The following PTPRB variants were observed in gnomAD, a reference collection of about 807,000 sequenced individuals.
The protein encoded by PTPRB is receptor-type tyrosine-protein phosphatase beta.
PTPRB carries 97 observed loss-of-function variants against 238.1 expected under a neutral mutation model. That is an observed-to-expected ratio of 0.41 (90% CI 0.35 to 0.48). PTPRB has a LOEUF of 0.48. Ranked by LOEUF, PTPRB falls within the 20% of genes least tolerant of loss-of-function variation. The pLI, the probability that PTPRB is intolerant of heterozygous loss-of-function variation, is 0.30. For missense variants in PTPRB, 2,292 were observed against 2,681.9 expected, an observed-to-expected ratio of 0.85 and a Z score of 3.21; for synonymous variants, 970 against 995.4, an observed-to-expected ratio of 0.97 and a Z score of 0.48.
chr12:70,595,162 G>A (rs1882879995), intron 5 of PTPRB, among the ~76,000 whole-genome samples: 2 of 152,132 alleles, frequency 1.3e-5, no homozygotes, highest in African/African-American at 4.8e-5. Flanking sequence ...CATGGATGAA[G>A]CTGGAAACCA....
intron 4 of PTPRB, among the ~76,000 whole-genome samples, chr12:70,607,598 G>T: frequency 6.8e-6 from 1 of 146,896 alleles, no homozygotes. Context: ...CCAGGCTGGA[G>T]TGCAGTGGCA....
rs184912558 is a variant in PTPRB at position 70,628,174 on chromosome 12, C to T, written c.452-5528G>A. Among the ~76,000 whole-genome samples the T allele has an allele frequency of 1.8e-3, 277 of 152,098 alleles. 1 individual carries two copies. The highest frequency in any genetic ancestry group is 3.9e-3 in the South Asian group (19 of 4,816). On this transcript the variant is annotated intron_variant, in intron 2 of 33. Transcript: ENST00000334414. ...ATATTTGCCTGCTTTCCAGTGCAGC[C>T]CTTGGAATTAAAAAAGAAAATTCCT...
intron 3 of PTPRB, chr12:70,609,958 G>C: frequency 1.8e-6 from 1 of 561,710 alleles, no homozygotes; most frequent in Non-Finnish European, 2.6e-6. Flanking sequence ...CGACGCGCAG[G>C]GGCCACTGCG....
At chr12:70,570,159 T>A (rs1410164323) in intron 13 of PTPRB, among the ~76,000 whole-genome samples, 1 of 152,156 alleles carries the variant, frequency 6.6e-6, no homozygotes, top group East Asian at 1.9e-4. Flanking sequence ...AAATGAGGAA[T>A]GCTAATTATA....
chr12:70,635,970 T>A lies in PTPRB; in HGVS notation c.152A>T (p.Gln51Leu). 6.2e-7 allele frequency: 1 copy of A among 1,613,648 alleles called. No homozygotes were observed. Among genetic ancestry groups the A allele is most frequent in the South Asian group, 1.1e-5 (1 of 90,976 alleles). The change falls in exon 2 of 34, where the codon CAG (glutamine) becomes CTG (leucine). Residue 51 changes from glutamine to leucine, a missense_variant. Coordinates refer to ENST00000334414, the MANE Select transcript of PTPRB (RefSeq NM_001109754.4). ...CTTTTCATCCTCAGTCCACATCCACTGCTGGTTCTGGATGGTCCTGTTGCA... is the reference window on the plus strand; with the variant it reads ...CTTTTCATCCTCAGTCCACATCCACAGCTGGTTCTGGATGGTCCTGTTGCA... ...GSCNRTIQNQQWMWTEDEKLL... is the reference protein window; with the variant it reads ...GSCNRTIQNQLWMWTEDEKLL...
intron 3 of PTPRB, among the ~76,000 whole-genome samples, chr12:70,614,075 GGT>G (rs1456148996): frequency 1.3e-5 from 2 of 152,136 alleles, no homozygotes; most frequent in African/African-American, 4.8e-5. Context: ...TTAGAACAGT[GGT>G]TCTCAAAGTG....
intron 21 of PTPRB, among the ~76,000 whole-genome samples, chr12:70,550,281 G>A (rs546101867): frequency 7.2e-5 from 11 of 152,308 alleles, no homozygotes; most frequent in Non-Finnish European, 1.5e-4. Context: ...TTATGCAAAG[G>A]CTCAGGCGTA....
intron 31 of PTPRB, 81 bp from the exon 32 acceptor site, chr12:70,532,251 C>T: frequency 7.0e-7 from 1 of 1,428,964 alleles, no homozygotes; most frequent in South Asian, 1.5e-5. Context: ...CTGGCACAAT[C>T]TTTTTTTTCC....
rs531073148 is a variant in PTPRB, at chr12:70,521,119, A to G, written c.*370T>C. ...GTCCAGTGAATATCAAAACAGGTAG[A>G]AAACATGGCCTGAAGGATTGTCTCT... On this transcript the variant is annotated 3_prime_UTR_variant, in exon 34 of 34. Coordinates refer to ENST00000334414, the MANE Select transcript of PTPRB (RefSeq NM_001109754.4). The G allele has an allele frequency of 1.6e-4, 29 of 176,248 alleles. 1 individual carries two copies. In the South Asian group the frequency reaches 4.8e-3, roughly 29 times the overall value. 10.9% of individuals were successfully genotyped at this position (176,248 alleles called of 1,614,324 possible).
intron 33 of PTPRB, among the ~76,000 whole-genome samples, chr12:70,523,937 C>T (rs1055371030): frequency 1.4e-4 from 22 of 151,962 alleles, no homozygotes; most frequent in African/African-American, 4.6e-4. Flanking sequence ...CTCAGCCTCC[C>T]GAGTAGCTGG....
At chr12:70,526,795 T>C (rs1872508078) in intron 32 of PTPRB, among the ~76,000 whole-genome samples, 1 of 152,226 alleles carries the variant, frequency 6.6e-6, no homozygotes, top group African/African-American at 2.4e-5. Flanking sequence ...TACATTACTT[T>C]GGGACTTTAG....
chr12:70,550,114 C>T (rs1055818507), intron 21 of PTPRB, among the ~76,000 whole-genome samples: 17 of 152,156 alleles, frequency 1.1e-4, no homozygotes, highest in African/African-American at 3.6e-4. Context: ...TGTAGGCAGA[C>T]GGTGATGGGG....
intron 28 of PTPRB, 114 bp from the exon 29 acceptor site, chr12:70,536,273 G>T: frequency 8.1e-7 from 1 of 1,230,852 alleles, no homozygotes; most frequent in Non-Finnish European, 1.1e-6. Flanking sequence ...TCTGACTTCA[G>T]AAAAAGATAC....
intron 9 of PTPRB, chr12:70,585,315 T>G (rs1472780230): frequency 6.6e-6 from 1 of 152,168 alleles, no homozygotes; most frequent in Non-Finnish European, 1.5e-5. Flanking sequence ...ATGAAAGCAA[T>G]TAGAAGATAA....
intron 11 of PTPRB, among the ~76,000 whole-genome samples, chr12:70,572,507 C>T (rs1355763725): frequency 6.6e-6 from 1 of 151,932 alleles, no homozygotes; most frequent in East Asian, 1.9e-4. Flanking sequence ...GTGGCTCACA[C>T]CTGTAATCCT....
chr12:70,540,130 G>T, intron 23 of PTPRB, 108 bp from the exon 24 acceptor site: 1 of 942,306 alleles, frequency 1.1e-6, no homozygotes, highest in Non-Finnish European at 1.6e-6. Context: ...GGATTTTTCA[G>T]TATTCATACA....
At chr12:70,557,887 C>T (rs552875070) in intron 18 of PTPRB, among the ~76,000 whole-genome samples, 17 of 152,324 alleles carry the variant, frequency 1.1e-4, no homozygotes, top group Non-Finnish European at 1.9e-4. Flanking sequence ...GGTCCTTCTA[C>T]TGTGGCCCGA....
At chr12:70,589,070 T>C (rs1882224936) in intron 8 of PTPRB, among the ~76,000 whole-genome samples, 1 of 152,136 alleles carries the variant, frequency 6.6e-6, no homozygotes, top group African/African-American at 2.4e-5. Context: ...TTGAGGTGAG[T>C]GATAAAATAT....
chr12:70,552,964 T>G lies in PTPRB; in HGVS notation c.5200A>C (p.Arg1734=). ...QHPLPSYLEY[R]HNASIRVYQT... is the part of the protein sequence containing the mutation. ...TACACCCGAATGGAGGCATTGTGCC[T>G]GTACTCCAGGTAGGAAGGGAGAGGG... Residue 1734 remains arginine (R), a synonymous_variant, in exon 21 of 34, where the codon AGG becomes CGG. Transcript: ENST00000334414. 1 of 1,613,938 alleles carries G rather than the reference T, an allele frequency of 6.2e-7. No individual in the cohort carries two copies. Among genetic ancestry groups the G allele is most frequent in the Non-Finnish European group, 8.5e-7 (1 of 1,179,812 alleles).
Sources: gnomAD v4.1 joint callset for allele counts (sites outside exome capture counted in the v4.1 genomes callset) on GRCh38, gnomAD v4.1.1 for gene constraint, MANE v1.5 for transcripts, NCBI Gene and HGNC (gene_info 2026-07-23, HGNC 2026-07-21) for gene names.